The following TENM3 variants were observed in gnomAD, a reference collection of about 807,000 sequenced individuals.
TENM3 encodes teneurin transmembrane protein 3.
In TENM3, 63 loss-of-function variants were observed where a neutral mutation model predicts 255.1. The observed-to-expected ratio is 0.25, with a 90% confidence interval of 0.20 to 0.30. The LOEUF is 0.30. Ranked by LOEUF, TENM3 falls within the 10% of genes least tolerant of loss-of-function variation. The pLI is 1.00. For missense variants in TENM3, 2,929 were observed against 3,461.1 expected (o/e 0.85, Z 3.86); for synonymous variants, 1,306 against 1,322.3 (o/e 0.99, Z 0.27).
At chr4:181,561,566 T>G in the TENM3 span, among the ~76,000 whole-genome samples, 1 of 152,342 alleles carries the variant, frequency 6.6e-6, no homozygotes, top group East Asian at 1.9e-4. Context: ...TATTACTTTA[T>G]AAATCACTGC....
chr4:182,690,219 A>G (rs1442942100), intron 12 of TENM3, among the ~76,000 whole-genome samples: 1 of 152,216 alleles, frequency 6.6e-6, no homozygotes, highest in Non-Finnish European at 1.5e-5. Flanking sequence ...CCCGCCTGAA[A>G]TCAACAACAG....
intron 12 of TENM3, among the ~76,000 whole-genome samples, chr4:182,694,293 G>A (rs1757224045): frequency 6.6e-6 from 1 of 151,650 alleles, no homozygotes; most frequent in African/African-American, 2.4e-5. Context: ...GTATTTTTGT[G>A]GAGAAGGGGT....
intron 1 of TENM3, among the ~76,000 whole-genome samples, chr4:182,153,386 A>C (rs1328599374): frequency 6.6e-6 from 1 of 152,116 alleles, no homozygotes; most frequent in Non-Finnish European, 1.5e-5. Context: ...GCATGAATGC[A>C]TTTGCAAAAC....
In TENM3 at chr4:182,396,830, C is replaced by A. The variant is rs1359025161; in HGVS notation, c.511+49901C>A. Among the ~76,000 whole-genome samples the A allele has an allele frequency of 3.9e-5, 6 of 152,056 alleles. No individual in the cohort carries two copies. The East Asian group carries it at 9.7e-4, about 25-fold the overall frequency. On this transcript the variant is annotated intron_variant, in intron 3 of 27. Coordinates refer to ENST00000511685, the MANE Select transcript of TENM3 (RefSeq NM_001080477.4). Reference sequence around the variant, plus strand: ...TACAAAAATTAGCCAGGTGTGGTGACAGGCATCTGTAATCCCAGCTACTTG... The same window carrying A: ...TACAAAAATTAGCCAGGTGTGGTGAAAGGCATCTGTAATCCCAGCTACTTG...
intron 3 of TENM3, among the ~76,000 whole-genome samples, chr4:182,359,412 A>T (rs2150763913): frequency 6.6e-6 from 1 of 151,130 alleles, no homozygotes; most frequent in East Asian, 2.0e-4. Context: ...TTATTGGTCT[A>T]TTCAGAGATT....
chr4:182,384,006 G>A (rs551245391), intron 3 of TENM3, among the ~76,000 whole-genome samples: 87 of 152,216 alleles, frequency 5.7e-4, no homozygotes, highest in Non-Finnish European at 1.2e-3. Context: ...TCCCCGCTTC[G>A]GTCAGTTTTG....
the TENM3 span, among the ~76,000 whole-genome samples, chr4:181,534,400 A>G: frequency 2.0e-5 from 3 of 152,112 alleles, no homozygotes; most frequent in African/African-American, 7.2e-5. Context: ...ATTTTAAACT[A>G]AGACATTTTA....
At chr4:181,704,427 C>T in the TENM3 span, among the ~76,000 whole-genome samples, 1 of 152,194 alleles carries the variant, frequency 6.6e-6, no homozygotes, top group South Asian at 2.1e-4. Context: ...GGAAAAGTTG[C>T]AGCTTCTTGT....
At chr4:181,515,526 A>G in the TENM3 span, among the ~76,000 whole-genome samples, 1 of 151,954 alleles carries the variant, frequency 6.6e-6, no homozygotes, top group Admixed American at 6.6e-5. Context: ...CTACCCCAAT[A>G]TCAGAGTCGA....
At chr4:182,023,434 G>GT in the TENM3 span, among the ~76,000 whole-genome samples, 5 of 152,278 alleles carry the variant, frequency 3.3e-5, no homozygotes, top group South Asian at 6.2e-4. Flanking sequence ...ATTATCATAG[G>GT]TTTTTTCCTC....
At chr4:182,597,448 C>CT (rs1747373871) in intron 3 of TENM3, among the ~76,000 whole-genome samples, 1 of 152,072 alleles carries the variant, frequency 6.6e-6, no homozygotes, top group Non-Finnish European at 1.5e-5. Flanking sequence ...AATGTTATCT[C>CT]TATTTTCAGT....
At chr4:182,565,511 G>A (rs184606844) in intron 3 of TENM3, among the ~76,000 whole-genome samples, 2 of 152,274 alleles carry the variant, frequency 1.3e-5, no homozygotes, top group East Asian at 3.9e-4. Flanking sequence ...TTCAACCATA[G>A]AATTTTTAAA....
the TENM3 span, among the ~76,000 whole-genome samples, chr4:181,469,645 T>G: frequency 1.3e-5 from 2 of 149,648 alleles, no homozygotes; most frequent in African/African-American, 4.9e-5. Flanking sequence ...TCTGTAGCCT[T>G]GCATAAATAT....
rs1313031225 is a variant in TENM3, at chr4:182,656,998, G to GT, written c.1111+3106dup. Among the ~76,000 whole-genome samples the GT allele has an allele frequency of 3.7e-4, 56 of 152,280 alleles. 1 individual carries two copies. The highest frequency in any genetic ancestry group is 1.2e-3 in the African/African-American group (50 of 41,546). On this transcript the variant is annotated intron_variant, in intron 6 of 27. Transcript: ENST00000511685. ...GGAAATGGACAAAGTGAATAAAGAG[G>GT]TAAGAATGAAGTTTGTAGCTCAAAC...
chr4:182,676,702 C>G (rs891561629), intron 7 of TENM3, among the ~76,000 whole-genome samples: 1 of 152,154 alleles, frequency 6.6e-6, no homozygotes, highest in Non-Finnish European at 1.5e-5. Flanking sequence ...AGCATAAATA[C>G]AACAAACATG....
chr4:182,366,963 G>A (rs549858148), intron 3 of TENM3, among the ~76,000 whole-genome samples: 10 of 152,090 alleles, frequency 6.6e-5, no homozygotes, highest in East Asian at 1.9e-4. Context: ...TTGAGAGTTC[G>A]TTTTAAGGAA....
chr4:181,866,012 G>C, the TENM3 span, among the ~76,000 whole-genome samples: 4 of 151,884 alleles, frequency 2.6e-5, no homozygotes, highest in Non-Finnish European at 5.9e-5. Context: ...TAAATCCATA[G>C]GTCTTAGTTA....
the TENM3 span, among the ~76,000 whole-genome samples, chr4:181,710,067 G>A: frequency 3.3e-5 from 5 of 152,080 alleles, no homozygotes; most frequent in Admixed American, 6.5e-5. Flanking sequence ...AGTTAAGCTC[G>A]GGGACATGCT....
intron 18 of TENM3, among the ~76,000 whole-genome samples, chr4:182,742,634 A>G (rs1244566923): frequency 6.6e-6 from 1 of 152,204 alleles, no homozygotes; most frequent in East Asian, 1.9e-4. Flanking sequence ...TCACATTTTT[A>G]TTGACTGAAT....
Sources: allele counts gnomAD v4.1 joint callset (sites outside exome capture counted in the v4.1 genomes callset), GRCh38; gene constraint gnomAD v4.1.1; transcripts MANE v1.5; gene names NCBI Gene and HGNC (gene_info 2026-07-23, HGNC 2026-07-21).